LY6G6F: variants seen among roughly 807,000 people sequenced by gnomAD.
LY6G6F encodes lymphocyte antigen 6 complex locus protein G6f.
In LY6G6F, 26 loss-of-function variants were observed where a neutral mutation model predicts 33.0. The observed-to-expected ratio is 0.79, with a 90% CI of 0.58 to 1.09. LY6G6F has a LOEUF of 1.09. Among genes scored for constraint, LY6G6F ranks in the 50% least tolerant of loss-of-function variants. LY6G6F has a pLI of 0.00. For missense variants in LY6G6F, 317 were observed against 372.0 expected, an observed-to-expected ratio of 0.85 and a Z score of 1.22; for synonymous variants, 132 against 148.1, an observed-to-expected ratio of 0.89 and a Z score of 0.79.
intron 3 of LY6G6F, among the ~76,000 whole-genome samples, chr6:31,708,528 G>A (rs1805787397): frequency 6.6e-6 from 1 of 152,238 alleles, no homozygotes; most frequent in African/African-American, 2.4e-5. Context: ...TAAAGGGTGT[G>A]AGGGGAAAGT....
chr6:31,707,909 T>C lies in LY6G6F; in HGVS notation c.421T>C (p.Cys141Arg), dbSNP rs779931229. The C allele has an allele frequency of 4.3e-6, 7 of 1,613,480 alleles. No homozygotes were observed. ...LSARAADGSP[C>R]NVLLCSVVPS... ...TGCAAGGGCTGCAGATGGATCCCCC[T>C]GCAATGTCCTCCTGTGCTCTGTGGT... The change falls in exon 3 of 6, where the codon TGC becomes CGC. Residue 141 changes from cysteine (C) to arginine (R), a missense_variant. Physicochemically the swap from Cys to Arg is radical, Grantham distance 180. Transcript: ENST00000375832. The surrounding 1 kb of genome is among the most constrained non-coding windows in gnomAD (Gnocchi z 4.1).
At chr6:31,709,367 C>G (rs1300531869) in intron 3 of LY6G6F, among the ~76,000 whole-genome samples, 1 of 151,626 alleles carries the variant, frequency 6.6e-6, no homozygotes, top group Non-Finnish European at 1.5e-5. Context: ...TCAAGTGATT[C>G]TCCTGCCTCA....
rs1157212038 is a variant in LY6G6F, at chr6:31,707,794, G to T, written c.382+7G>T. 1 of 1,610,840 alleles carries T rather than the reference G, an allele frequency of 6.2e-7. No homozygotes were observed. Among genetic ancestry groups the T allele is most frequent in the East Asian group, 2.2e-5 (1 of 44,808 alleles). On this transcript the variant is annotated splice_region_variant and intron_variant, in intron 2 of 5. Coordinates refer to ENST00000375832, the MANE Select transcript of LY6G6F (RefSeq NM_001003693.3). The surrounding 1 kb of genome is among the most constrained non-coding windows in gnomAD (Gnocchi z 4.1). Reference sequence around the variant, plus strand: ...GACGTCTTGGTGCTCAAAGGTGAGTGGGGGCATGCAGACCAGGGGCTACTG... The same window carrying T: ...GACGTCTTGGTGCTCAAAGGTGAGTTGGGGCATGCAGACCAGGGGCTACTG...
In LY6G6F at chr6:31,710,037, G is replaced by T. The variant is rs1353599632; in HGVS notation, c.658G>T (p.Ala220Ser). The T allele has an allele frequency of 6.2e-7, 1 of 1,612,430 alleles. No individual in the cohort carries two copies. Among genetic ancestry groups the T allele is most frequent in the African/African-American group, 1.3e-5 (1 of 74,888 alleles). The change falls in exon 4 of 6, where the codon GCT becomes TCT. Residue 220 changes from alanine (A) to serine (S), a missense_variant. By Grantham distance (99) the Ala-to-Ser change is moderately conservative (BLOSUM62 1). Transcript: ENST00000375832. The surrounding 1 kb of genome is among the most constrained non-coding windows in gnomAD (Gnocchi z 4.7). ...GGCCCTTACTACAGCCTCCATCGAT[G>T]CTTCTCCTGCCCTCTGTGCCCCTTC... is the stretch of plus-strand genomic sequence containing the variant. The part of the protein sequence containing the change: ...VSFSLAASID[A>S]SPALCAPSTG...
chr6:31,709,655 A>G (rs1480424122), intron 3 of LY6G6F, among the ~76,000 whole-genome samples: 15 of 152,012 alleles, frequency 9.9e-5, no homozygotes, highest in African/African-American at 3.4e-4. Flanking sequence ...CGGCCTCCCA[A>G]AGTGCTGGGA....
Position 31,710,299 on chromosome 6 carries a change from C to A in LY6G6F, c.803-53C>A. On this transcript the variant is annotated intron_variant, in intron 4 of 5. Transcript: ENST00000375832. This position sits in a 1 kb window ranked among gnomAD's most constrained non-coding sequence, Gnocchi z 4.7. ...AGGGGAGGGGGCGAGGAACACGGCT[C>A]TAAGTTGTCTGCTGACTTCTCTTCT... 1.9e-6 allele frequency: 3 copies of A among 1,613,144 alleles called. No individual in the cohort carries two copies. The South Asian group carries it at 3.3e-5, about 18-fold the overall frequency.
Position 31,710,438 on chromosome 6 carries a change from C to T in LY6G6F, c.869+20C>T, listed in dbSNP as rs754858740. The T allele has an allele frequency of 8.7e-6, 14 of 1,614,110 alleles. No homozygotes were observed. The South Asian group carries it at 1.5e-4, about 18-fold the overall frequency. On this transcript the variant is annotated intron_variant, in intron 5 of 5. Transcript: ENST00000375832. The surrounding 1 kb of genome is among the most constrained non-coding windows in gnomAD (Gnocchi z 4.7). ...TCTTGGGTGAGGAACAGCTAGGGAA[C>T]AGAGGCTTAAATCCTGGAGGGGACT...
rs1284942522 is a variant in LY6G6F at position 31,710,030 on chromosome 6, C to T, written c.651C>T (p.Ser217=). 1.2e-6 allele frequency: 2 copies of T among 1,611,878 alleles called. No homozygotes were observed. Among genetic ancestry groups the T allele is most frequent in the Non-Finnish European group, 1.7e-6 (2 of 1,179,348 alleles). ...CTGGTCTGGCCCTTACTACAGCCTC[C>T]ATCGATGCTTCTCCTGCCCTCTGTG... The part of the protein sequence containing the change: ...NKGVSFSLAA[S]IDASPALCAP... The change falls in exon 4 of 6, where the codon TCC becomes TCT. Residue 217 remains serine (S), a synonymous_variant. Coordinates refer to ENST00000375832, the MANE Select transcript of LY6G6F (RefSeq NM_001003693.3). The surrounding 1 kb of genome is among the most constrained non-coding windows in gnomAD (Gnocchi z 4.7).
rs1347026189 is a variant in LY6G6F, at chr6:31,707,408, G to A, written c.53-50G>A. 6.6e-7 allele frequency: 1 copy of A among 1,524,848 alleles called. No individual in the cohort carries two copies. The highest frequency in any genetic ancestry group is 9.0e-7 in the Non-Finnish European group (1 of 1,108,530). The allele number at this position is 1,524,848 out of a possible 1,614,324, so 94.5% of individuals were successfully genotyped here. ...GCCAGGGTTGAAGATCAAATGGGGG[G>A]TTATTGATCTGATGGAGGTCTCTGG... On this transcript the variant is annotated intron_variant, in intron 1 of 5. Coordinates refer to ENST00000375832, the MANE Select transcript of LY6G6F (RefSeq NM_001003693.3). This position sits in a 1 kb window ranked among gnomAD's most constrained non-coding sequence, Gnocchi z 4.1.
Position 31,710,346 on chromosome 6 carries a change from C to T in LY6G6F, c.803-6C>T. ...TTCTGTATCCCTGATGGCTCCTTCT[C>T]CCCAGATGCCTCGATTCCTCAGTTC... is the stretch of plus-strand genomic sequence containing the variant. On this transcript the variant is annotated splice_polypyrimidine_tract_variant and splice_region_variant and intron_variant, in intron 4 of 5. Transcript: ENST00000375832. The surrounding 1 kb of genome is among the most constrained non-coding windows in gnomAD (Gnocchi z 4.7). 1 of 1,613,948 alleles carries T rather than the reference C, an allele frequency of 6.2e-7. No homozygotes were observed. The highest frequency in any genetic ancestry group is 1.1e-5 in the South Asian group (1 of 91,078).
rs372462391 is a variant in LY6G6F, at chr6:31,707,448, C to G, written c.53-10C>G. The G allele has an allele frequency of 1.2e-6, 2 of 1,612,096 alleles. No homozygotes were observed. Among genetic ancestry groups the G allele is most frequent in the Non-Finnish European group, 1.7e-6 (2 of 1,178,446 alleles). ...GAGGTCTCTGGCCTCATACAACCCT[C>G]TTCCCACAGACAACATGCAGGCCAT... On this transcript the variant is annotated splice_polypyrimidine_tract_variant and intron_variant, in intron 1 of 5. Transcript: ENST00000375832. The surrounding 1 kb of genome is among the most constrained non-coding windows in gnomAD (Gnocchi z 4.1).
chr6:31,708,090 G>C lies in LY6G6F; in HGVS notation c.602G>C (p.Arg201Pro), dbSNP rs141454939. The change falls in exon 3 of 6, where the codon CGC (arginine) becomes CCC (proline). Residue 201 changes from arginine to proline, a missense_variant. Physicochemically the swap from Arg to Pro is moderately radical, Grantham distance 103. Transcript: ENST00000375832. The part of the protein sequence containing the change: ...EPRSRRPRII[R>P]CLMTHNKGVS... ...AGGAGCCGAAGACCAAGAATCATCCGCTGCCTCATGACTCACAACAAAGGG... is the reference window on the plus strand; with the variant it reads ...AGGAGCCGAAGACCAAGAATCATCCCCTGCCTCATGACTCACAACAAAGGG... The C allele has an allele frequency of 1.2e-6, 2 of 1,600,640 alleles. No homozygotes were observed. Among genetic ancestry groups the C allele is most frequent in the Non-Finnish European group, 1.7e-6 (2 of 1,173,504 alleles).
chr6:31,709,287 GTCTC>G (rs1418131451), intron 3 of LY6G6F, among the ~76,000 whole-genome samples: 13 of 148,436 alleles, frequency 8.8e-5, no homozygotes, highest in Admixed American at 6.1e-4. Context: ...TTGAGACAGA[GTCTC>G]TCTCTGTCGC....
chr6:31,709,481 A>G (rs1469731950), intron 3 of LY6G6F, among the ~76,000 whole-genome samples: 3 of 151,884 alleles, frequency 2.0e-5, no homozygotes, highest in African/African-American at 7.3e-5. Context: ...GATAGTCTCA[A>G]TCTCCTGACC....
At position 31,706,962 on chromosome 6, in the gene LY6G6F, A is replaced by AG. The variant is rs1805660601; in HGVS notation, c.52+8dup. 6.2e-7 allele frequency: 1 copy of AG among 1,613,774 alleles called. No homozygotes were observed. Among genetic ancestry groups the AG allele is most frequent in the South Asian group, 1.1e-5 (1 of 91,074 alleles). ...TGTGGAACTCCCCAGGCTGCAGGTAAGGGGCAAGAGGTACGGGATTCCTTA... is the reference window on the plus strand; with the variant it reads ...TGTGGAACTCCCCAGGCTGCAGGTAAGGGGGCAAGAGGTACGGGATTCCTTA... On this transcript the variant is annotated splice_donor_region_variant and intron_variant, in intron 1 of 5. Transcript: ENST00000375832.
At position 31,707,833 on chromosome 6, in the gene LY6G6F, C is replaced by A. The variant is rs1805727920; in HGVS notation, c.383-38C>A. On this transcript the variant is annotated intron_variant, in intron 2 of 5. Coordinates refer to ENST00000375832, the MANE Select transcript of LY6G6F (RefSeq NM_001003693.3). The surrounding 1 kb of genome is among the most constrained non-coding windows in gnomAD (Gnocchi z 4.1). ...CAGGGGCTACTGTGGCCCAGGAAGTCCAGGTGAAGAACTGAGGAATCCCTC... is the reference window on the plus strand; with the variant it reads ...CAGGGGCTACTGTGGCCCAGGAAGTACAGGTGAAGAACTGAGGAATCCCTC... 1 of 1,607,710 alleles carries A rather than the reference C, an allele frequency of 6.2e-7. No homozygotes were observed. The highest frequency in any genetic ancestry group is 1.1e-5 in the South Asian group (1 of 90,636).
intron 3 of LY6G6F, among the ~76,000 whole-genome samples, 189 bp from the exon 4 acceptor site, chr6:31,709,837 C>T (rs1345630403): frequency 6.6e-6 from 1 of 152,182 alleles, no homozygotes; most frequent in African/African-American, 2.4e-5. Context: ...GGCCGCCATT[C>T]TCTATGGGTC....
rs1805708914 is a variant in LY6G6F, at chr6:31,707,651, G to T, written c.246G>T (p.Arg82Ser). 6.2e-7 allele frequency: 1 copy of T among 1,613,810 alleles called. No homozygotes were observed. The highest frequency in any genetic ancestry group is 8.5e-7 in the Non-Finnish European group (1 of 1,179,824). Residue 82 changes from arginine to serine, a missense_variant, in exon 2 of 6, where the codon AGG (arginine) becomes AGT (serine). Coordinates refer to ENST00000375832, the MANE Select transcript of LY6G6F (RefSeq NM_001003693.3). This position sits in a 1 kb window ranked among gnomAD's most constrained non-coding sequence, Gnocchi z 4.1. ...PDPGKPGRES[R>S]LRLLGNYSLW... ...CTGGAAAACCAGGAAGGGAATCCAG[G>T]CTCAGACTGCTGGGGAACTATTCTT...
chr6:31,708,610 TTTTTA>T (rs750139461), intron 3 of LY6G6F, among the ~76,000 whole-genome samples: 3 of 152,274 alleles, frequency 2.0e-5, no homozygotes, highest in African/African-American at 4.8e-5. Context: ...CATTCTCTAC[TTTTTA>T]TTTTATTTTA....
Sources: allele counts gnomAD v4.1 joint callset (sites outside exome capture counted in the v4.1 genomes callset), GRCh38; gene constraint gnomAD v4.1.1; non-coding constraint Gnocchi (gnomAD v3.1); transcripts MANE v1.5; gene names NCBI Gene and HGNC (gene_info 2026-07-23, HGNC 2026-07-21).